The following NTRK2 variants were observed in gnomAD, a reference collection of about 807,000 sequenced individuals.
The protein encoded by NTRK2 is BDNF/NT-3 growth factors receptor.
Under a neutral mutation model 94.5 loss-of-function variants are expected in NTRK2, and 13 were observed. The observed-to-expected ratio is 0.14, with a 90% confidence interval of 0.09 to 0.22. The LOEUF is 0.22. NTRK2 is among the 10% of genes least tolerant of loss of function. NTRK2 has a pLI of 1.00. For synonymous variants in NTRK2, 372 were observed against 407.4 expected (o/e 0.91, Z 1.05); for missense variants, 639 against 1,071.2 (o/e 0.60, Z 5.63).
intron 9 of NTRK2, among the ~76,000 whole-genome samples, chr9:84,741,429 G>C (rs370544649): frequency 1.3e-5 from 2 of 152,110 alleles, no homozygotes; most frequent in Non-Finnish European, 2.9e-5. Context: ...CATTATGCAG[G>C]GTGGTTAATA....
At chr9:84,873,442 A>G (rs2132128310) in intron 14 of NTRK2, 1 of 1,059,740 alleles carries the variant, frequency 9.4e-7, no homozygotes. Flanking sequence ...GGGAGCCTTC[A>G]TGGCACATTG....
chr9:84,967,563 TC>T (rs1825699765), intron 17 of NTRK2, among the ~76,000 whole-genome samples: 1 of 152,252 alleles, frequency 6.6e-6, no homozygotes, highest in South Asian at 2.1e-4. Flanking sequence ...CAGGCTGGCT[TC>T]CTCCCTCACA....
chr9:84,971,866 G>T (rs1826224502), intron 17 of NTRK2, among the ~76,000 whole-genome samples: 1 of 152,164 alleles, frequency 6.6e-6, no homozygotes, highest in South Asian at 2.1e-4. Context: ...GGTGGATTGG[G>T]TATGGAAAGG....
chr9:84,702,744 T>G (rs1437753059), intron 4 of NTRK2, among the ~76,000 whole-genome samples: 1 of 152,204 alleles, frequency 6.6e-6, no homozygotes, highest in African/African-American at 2.4e-5. Context: ...AATAATGACA[T>G]ACTCCCTGGA....
intron 4 of NTRK2, among the ~76,000 whole-genome samples, chr9:84,703,342 T>C (rs142658556): frequency 1.1e-3 from 168 of 152,336 alleles, no homozygotes; most frequent in African/African-American, 3.8e-3. Context: ...GTAGGACAGA[T>C]CTTTTTTATG....
chr9:84,907,394 C>T (rs1265339371), intron 14 of NTRK2, among the ~76,000 whole-genome samples: 1 of 152,208 alleles, frequency 6.6e-6, no homozygotes, highest in African/African-American at 2.4e-5. Flanking sequence ...CATATGGAAT[C>T]TCACTTGGCA....
intron 12 of NTRK2, among the ~76,000 whole-genome samples, chr9:84,825,802 C>T (rs2073149050): frequency 6.6e-6 from 1 of 152,192 alleles, no homozygotes; most frequent in South Asian, 2.1e-4. Context: ...TCTGCTGTTG[C>T]TGCATTAAAC....
chr9:84,688,033 T>A (rs1389716905), intron 2 of NTRK2, among the ~76,000 whole-genome samples: 1 of 152,138 alleles, frequency 6.6e-6, no homozygotes, highest in African/African-American at 2.4e-5. Context: ...ACCTGGTGTG[T>A]GCATATCCAT....
intron 2 of NTRK2, 133 bp from the exon 3 acceptor site, chr9:84,702,026 T>C: frequency 1.3e-6 from 1 of 768,358 alleles, no homozygotes; most frequent in East Asian, 2.7e-5. Context: ...TACTGCTGTA[T>C]TTAAAAAAAT....
chr9:84,673,743 CAG>C (rs749290707), intron 2 of NTRK2, among the ~76,000 whole-genome samples: 28 of 152,126 alleles, frequency 1.8e-4, no homozygotes, highest in Non-Finnish European at 3.4e-4. Flanking sequence ...ATTTTGTCTT[CAG>C]AGTCATTGAA....
chr9:84,795,379 C>A, intron 12 of NTRK2, among the ~76,000 whole-genome samples: 1 of 152,198 alleles, frequency 6.6e-6, no homozygotes. Flanking sequence ...TTGGCCACGT[C>A]TGTGCCTCTT....
chr9:84,832,245 GC>G (rs2073597799), intron 12 of NTRK2, among the ~76,000 whole-genome samples: 1 of 152,158 alleles, frequency 6.6e-6, no homozygotes, highest in Non-Finnish European at 1.5e-5. Context: ...CAATACACAA[GC>G]AATTGGCACC....
intron 14 of NTRK2, chr9:84,871,676 G>A (rs965069433): frequency 1.2e-6 from 1 of 863,930 alleles, no homozygotes; most frequent in Non-Finnish European, 2.0e-6. Context: ...GGAGTGATAT[G>A]AGGGTTTCAT....
intron 9 of NTRK2, among the ~76,000 whole-genome samples, chr9:84,731,462 T>A (rs2062885183): frequency 6.6e-6 from 1 of 152,110 alleles, no homozygotes; most frequent in South Asian, 2.1e-4. Flanking sequence ...AAATAATTTT[T>A]AAAAAAGAAC....
At chr9:84,955,607 TATC>T in intron 17 of NTRK2, 90 bp downstream of exon 17, 1 of 1,070,310 alleles carries the variant, frequency 9.3e-7, no homozygotes, top group Non-Finnish European at 1.4e-6. Flanking sequence ...CATAACAAAA[TATC>T]ATGACTGGGT....
At chr9:84,698,887 A>T (rs1432848421) in intron 2 of NTRK2, among the ~76,000 whole-genome samples, 1 of 152,072 alleles carries the variant, frequency 6.6e-6, no homozygotes, top group Admixed American at 6.5e-5. Flanking sequence ...CTATGATTTG[A>T]TTCTTCACTT....
chr9:84,943,736 A>G (rs1003907214), intron 15 of NTRK2, among the ~76,000 whole-genome samples: 1 of 152,200 alleles, frequency 6.6e-6, no homozygotes, highest in South Asian at 2.1e-4. Flanking sequence ...CAAGCCTTGC[A>G]TAATTGAGTA....
chr9:84,869,853 C>T (rs928353786), intron 14 of NTRK2, among the ~76,000 whole-genome samples: 6 of 151,912 alleles, frequency 3.9e-5, no homozygotes, highest in Non-Finnish European at 5.9e-5. Context: ...TCAAACTTGC[C>T]TACATAGTTG....
chr9:84,929,679 A>T (rs1167233635), intron 14 of NTRK2, among the ~76,000 whole-genome samples: 2 of 151,874 alleles, frequency 1.3e-5, no homozygotes, highest in African/African-American at 2.4e-5. Flanking sequence ...CTCCTGCCTC[A>T]GTCTCCCGGG....
Sources: gnomAD v4.1 joint callset for allele counts (sites outside exome capture counted in the v4.1 genomes callset) on GRCh38, gnomAD v4.1.1 for gene constraint, MANE v1.5 for transcripts, NCBI Gene and HGNC (gene_info 2026-07-23, HGNC 2026-07-21) for gene names.